Variants in CAMK1D observed in about 807,000 individuals in gnomAD.
The protein encoded by CAMK1D is calcium/calmodulin-dependent protein kinase type 1D.
A neutral mutation model predicts 47.7 loss-of-function variants in CAMK1D; 9 were observed. The observed-to-expected ratio is 0.19, with a 90% CI of 0.11 to 0.33. CAMK1D has a LOEUF of 0.33. Among genes scored for constraint, CAMK1D ranks in the 10% least tolerant of loss-of-function variants. The pLI, the probability that CAMK1D is intolerant of heterozygous loss-of-function variation, is 1.00. For missense variants in CAMK1D, 291 were observed against 488.7 expected (o/e 0.60, Z 3.81); for synonymous variants, 184 against 184.9 (o/e 0.99, Z 0.04).
intron 8 of CAMK1D, among the ~76,000 whole-genome samples, chr10:12,823,678 C>T (rs1404422339): frequency 6.6e-6 from 1 of 152,042 alleles, no homozygotes; most frequent in East Asian, 1.9e-4. Flanking sequence ...TCATGGCAGG[C>T]TCAGGAATCA....
intron 2 of CAMK1D, among the ~76,000 whole-genome samples, chr10:12,648,053 A>T (rs1026434586): frequency 3.9e-5 from 6 of 152,246 alleles, no homozygotes; most frequent in Non-Finnish European, 7.3e-5. Flanking sequence ...GAGTCCAAGA[A>T]TTCAAAATTC....
In CAMK1D at chr10:12,641,661, A is replaced by G. The variant is rs72771763; in HGVS notation, c.225-25075A>G. ...GAAAAAAAGAGAAACATTTAAACTGATGACAAAGTTTTGATGGTAAGAAAT... is the reference window on the plus strand; with the variant it reads ...GAAAAAAAGAGAAACATTTAAACTGGTGACAAAGTTTTGATGGTAAGAAAT... On this transcript the variant is annotated intron_variant, in intron 2 of 10. Transcript: ENST00000619168. Among the ~76,000 whole-genome samples, 1,028 of 152,158 alleles carry G rather than the reference A, an allele frequency of 6.8e-3. 10 individuals are homozygous for G. Among genetic ancestry groups the G allele is most frequent in the Non-Finnish European group, 0.012 (823 of 67,994 alleles).
chr10:12,717,756 T>G (rs1243667547), intron 3 of CAMK1D, among the ~76,000 whole-genome samples: 1 of 132,938 alleles, frequency 7.5e-6, no homozygotes, highest in African/African-American at 3.7e-5. Flanking sequence ...AAGCTGGATG[T>G]GGTGGTGCAC....
chr10:12,665,914 G>A (rs1213811287), intron 2 of CAMK1D, among the ~76,000 whole-genome samples: 1 of 152,252 alleles, frequency 6.6e-6, no homozygotes, highest in East Asian at 1.9e-4. Context: ...TCATCTGCAC[G>A]TTGAAGTTTG....
Position 12,706,365 on chromosome 10 carries a change from C to T in CAMK1D, c.299+39555C>T, listed in dbSNP as rs116987426. On this transcript the variant is annotated intron_variant, in intron 3 of 10. Transcript: ENST00000619168. ...CTGAAACTGAGGCTAAGGGGGCTACCGTGTCGTCCTTCTGAAATTCAGTAC... is the reference window on the plus strand; with the variant it reads ...CTGAAACTGAGGCTAAGGGGGCTACTGTGTCGTCCTTCTGAAATTCAGTAC... Among the ~76,000 whole-genome samples the T allele has an allele frequency of 6.6e-3, 1,006 of 152,292 alleles. 7 individuals carry two copies. Among genetic ancestry groups the T allele is most frequent in the Non-Finnish European group, 8.0e-3 (546 of 68,030 alleles).
intron 7 of CAMK1D, among the ~76,000 whole-genome samples, chr10:12,815,277 G>T (rs912418915): frequency 7.9e-5 from 12 of 152,180 alleles, no homozygotes; most frequent in African/African-American, 2.7e-4. Context: ...TTTCTCGCTG[G>T]TAAGATGAGG....
chr10:12,445,406 T>C (rs993308329), intron 1 of CAMK1D, among the ~76,000 whole-genome samples: 1 of 152,276 alleles, frequency 6.6e-6, no homozygotes, highest in South Asian at 2.1e-4. Context: ...TTAGTCAGAC[T>C]TAGCTTTGGT....
In CAMK1D at chr10:12,705,275, A is replaced by G. The variant is rs368199696; in HGVS notation, c.299+38465A>G. The stretch of plus-strand genomic sequence containing the variant: ...CAGGAGTTTGAGACCATCCTGGCCA[A>G]CATGGTGGAACCTCGTCTCTACTAA... On this transcript the variant is annotated intron_variant, in intron 3 of 10. Transcript: ENST00000619168. 7.2e-5 allele frequency among the ~76,000 whole-genome samples: 11 copies of G among 152,284 alleles called. No individual in the cohort carries two copies. The East Asian group carries it at 7.7e-4, about 11-fold the overall frequency.
chr10:12,492,343 A>G (rs1462209687), intron 1 of CAMK1D, among the ~76,000 whole-genome samples: 1 of 125,256 alleles, frequency 8.0e-6, no homozygotes, highest in Non-Finnish European at 1.7e-5. Context: ...GTAACACCTC[A>G]TCTCAAAAAA....
chr10:12,814,433 G>A (rs1419505187), intron 7 of CAMK1D, 126 bp downstream of exon 7: 9 of 561,212 alleles, frequency 1.6e-5, no homozygotes, highest in Non-Finnish European at 2.9e-5. Flanking sequence ...TGTCTTGGTT[G>A]GCTGCTGTAA....
intron 5 of CAMK1D, among the ~76,000 whole-genome samples, chr10:12,789,730 G>A (rs1837894388): frequency 6.6e-6 from 1 of 152,206 alleles, no homozygotes; most frequent in Non-Finnish European, 1.5e-5. Context: ...CATGCTACCA[G>A]CACTTCCTGT....
intron 2 of CAMK1D, chr10:12,578,804 G>A (rs1454494557): frequency 6.5e-6 from 1 of 154,202 alleles, no homozygotes; most frequent in Non-Finnish European, 1.5e-5. Context: ...GTAGCCAAGT[G>A]GAAGTTACTT....
chr10:12,584,272 C>T (rs947324890), intron 2 of CAMK1D, among the ~76,000 whole-genome samples: 14 of 152,110 alleles, frequency 9.2e-5, no homozygotes, highest in African/African-American at 3.4e-4. Context: ...TGTGATTCTC[C>T]AGGAAGAGAA....
chr10:12,616,677 C>T (rs1838833364), intron 2 of CAMK1D, among the ~76,000 whole-genome samples: 1 of 151,394 alleles, frequency 6.6e-6, no homozygotes. Flanking sequence ...GCCACTAAGC[C>T]CGGCTAATTT....
At chr10:12,782,578 A>C (rs567844328) in intron 5 of CAMK1D, among the ~76,000 whole-genome samples, 47 of 152,344 alleles carry the variant, frequency 3.1e-4, no homozygotes, top group African/African-American at 9.6e-4. Flanking sequence ...GCAGTGTCGC[A>C]AACTGTTAGA....
intron 1 of CAMK1D, among the ~76,000 whole-genome samples, chr10:12,547,975 C>T (rs530625750): frequency 1.9e-4 from 29 of 152,300 alleles, no homozygotes; most frequent in Non-Finnish European, 3.4e-4. Flanking sequence ...GCTCATCTGA[C>T]GACAGGGTCT....
chr10:12,714,272 C>T (rs574743006), intron 3 of CAMK1D, among the ~76,000 whole-genome samples: 4 of 152,258 alleles, frequency 2.6e-5, no homozygotes, highest in South Asian at 2.1e-4. Context: ...TCCAGACAAC[C>T]GTCTACCTTC....
chr10:12,455,755 T>G (rs1833224225), intron 1 of CAMK1D, among the ~76,000 whole-genome samples: 1 of 152,210 alleles, frequency 6.6e-6, no homozygotes, highest in South Asian at 2.1e-4. Flanking sequence ...AGTTATTGAT[T>G]AGGTTAACTG....
In CAMK1D at chr10:12,651,006, C is replaced by T. The variant is rs996144283; in HGVS notation, c.225-15730C>T. ...CTGGATTAAGCTTCACACATCCCGACGGGGCTTCATGAGACTGGGAATGAA... is the reference window on the plus strand; with the variant it reads ...CTGGATTAAGCTTCACACATCCCGATGGGGCTTCATGAGACTGGGAATGAA... On this transcript the variant is annotated intron_variant, in intron 2 of 10. Transcript: ENST00000619168. Among the ~76,000 whole-genome samples the T allele has an allele frequency of 7.9e-5, 12 of 152,306 alleles. No homozygotes were observed. The East Asian group carries it at 9.6e-4, about 12-fold the overall frequency.
Sources: allele counts gnomAD v4.1 joint callset (sites outside exome capture counted in the v4.1 genomes callset), GRCh38; gene constraint gnomAD v4.1.1; transcripts MANE v1.5; gene names NCBI Gene and HGNC (gene_info 2026-07-23, HGNC 2026-07-21).